Variants in DNAAF1 observed in about 807,000 individuals in gnomAD.
The protein encoded by DNAAF1 is dynein assembly factor 1, axonemal.
In DNAAF1, 65 loss-of-function variants were observed where a neutral mutation model predicts 71.1. The ratio of observed to expected loss-of-function variants is 0.91; its 90% CI spans 0.75 to 1.12. The LOEUF (loss-of-function observed/expected upper bound fraction) is 1.12, where lower values mean the gene tolerates loss of function less well. Among genes scored for constraint, DNAAF1 ranks in the 50% most tolerant of loss-of-function variants. The pLI, the probability that DNAAF1 is intolerant of heterozygous loss-of-function variation, is 0.00. For missense variants in DNAAF1, 1,178 were observed against 899.8 expected, an observed-to-expected ratio of 1.31 and a Z score of -3.96; for synonymous variants, 414 against 354.6, an observed-to-expected ratio of 1.17 and a Z score of -1.88.
At chr16:84,174,481 G>T (rs1471189029) in intron 9 of DNAAF1, 188 bp from the exon 10 acceptor site, 1 of 1,473,262 alleles carries the variant, frequency 6.8e-7, no homozygotes, top group Non-Finnish European at 9.0e-7. Context: ...AGACACCTGA[G>T]GTGGCAACGC....
At chr16:84,173,122 T>C in intron 9 of DNAAF1, 1 of 986,072 alleles carries the variant, frequency 1.0e-6, no homozygotes, top group Non-Finnish European at 1.2e-6. Flanking sequence ...TCTTCTAAAC[T>C]GGTGTTTCTA....
chr16:84,168,897 G>T (rs1018209493), intron 7 of DNAAF1, among the ~76,000 whole-genome samples: 1 of 147,438 alleles, frequency 6.8e-6, no homozygotes, highest in Non-Finnish European at 1.5e-5. Context: ...AAAGGCAAAC[G>T]TCACAGCCCT....
In DNAAF1 at chr16:84,172,288, G is replaced by C; in HGVS notation, c.1557G>C (p.Glu519Asp). The change falls in exon 9 of 12, where the codon GAG (glutamate) becomes GAC (aspartate). Residue 519 changes from glutamate to aspartate, a missense_variant. Glu to Asp is a conservative substitution (Grantham distance 45). Coordinates refer to ENST00000378553, the MANE Select transcript of DNAAF1 (RefSeq NM_178452.6). ...EEPTPQAVAT[E>D]GVFVTELDGT... ...CGACTCCCCAGGCTGTGGCCACTGA[G>C]GGTGTATTCGTTACAGAACTTGATG... The C allele has an allele frequency of 6.2e-7, 1 of 1,614,182 alleles. No homozygotes were observed. The highest frequency in any genetic ancestry group is 1.1e-5 in the South Asian group (1 of 91,062).
At chr16:84,157,433 G>C (rs2087492486) in intron 5 of DNAAF1, among the ~76,000 whole-genome samples, 1 of 147,966 alleles carries the variant, frequency 6.8e-6, no homozygotes, top group Non-Finnish European at 1.5e-5. Flanking sequence ...TGAGGCATGA[G>C]AATTGCTTGA....
At chr16:84,167,987 A>G (rs2151259037) in intron 7 of DNAAF1, among the ~76,000 whole-genome samples, 1 of 152,066 alleles carries the variant, frequency 6.6e-6, no homozygotes, top group South Asian at 2.1e-4. Flanking sequence ...ATCGCACTCC[A>G]GCCTGGGCGA....
chr16:84,161,335 C>G (rs2087707527), intron 6 of DNAAF1, among the ~76,000 whole-genome samples: 1 of 152,166 alleles, frequency 6.6e-6, no homozygotes, highest in Admixed American at 6.5e-5. Flanking sequence ...ATAGGAGCCA[C>G]CGCCCTTTAG....
chr16:84,165,746 C>A (rs754244456), intron 6 of DNAAF1, 37 bp from the exon 7 acceptor site: 1 of 1,591,340 alleles, frequency 6.3e-7, no homozygotes, highest in Non-Finnish European at 8.6e-7. Flanking sequence ...GTTTGGAGTT[C>A]ACCTCCCCTA....
At chr16:84,150,678 C>T (rs1220797969) in intron 3 of DNAAF1, among the ~76,000 whole-genome samples, 1 of 142,522 alleles carries the variant, frequency 7.0e-6, no homozygotes, top group South Asian at 2.2e-4. Context: ...TGCAGTGGTG[C>T]AATCTCTGCT....
rs1250560394 is a variant in DNAAF1, at chr16:84,155,685, A to T, written c.677A>T (p.Asp226Val). ...GAGTGTTTGAGGCTTTGTGTCCTTGACCTTTCGCACAACAAGCTGAGTGAC... is the reference window on the plus strand; with the variant it reads ...GAGTGTTTGAGGCTTTGTGTCCTTGTCCTTTCGCACAACAAGCTGAGTGAC... ...LQECLRLCVLDLSHNKLSDPE... is the reference protein window; with the variant it reads ...LQECLRLCVLVLSHNKLSDPE... The change falls in exon 5 of 12, where the codon GAC (aspartate) becomes GTC (valine). Residue 226 changes from aspartate (D) to valine (V), a missense_variant. Asp to Val is a radical substitution (Grantham distance 152). Coordinates refer to ENST00000378553, the MANE Select transcript of DNAAF1 (RefSeq NM_178452.6). The T allele has an allele frequency of 1.2e-6, 2 of 1,614,020 alleles. No homozygotes were observed. Among genetic ancestry groups the T allele is most frequent in the Non-Finnish European group, 1.7e-6 (2 of 1,180,046 alleles).
intron 5 of DNAAF1, among the ~76,000 whole-genome samples, chr16:84,157,208 C>CT (rs1197728762): frequency 6.6e-6 from 1 of 152,028 alleles, no homozygotes; most frequent in African/African-American, 2.4e-5. Flanking sequence ...CTCGCTATCA[C>CT]TTTAATTTTT....
intron 5 of DNAAF1, among the ~76,000 whole-genome samples, chr16:84,157,934 A>C (rs796247613): frequency 4.6e-5 from 7 of 152,266 alleles, no homozygotes; most frequent in African/African-American, 1.7e-4. Flanking sequence ...GTGGCCAGGC[A>C]CAGTGGCTCA....
At chr16:84,153,235 T>G (rs2087264444) in intron 3 of DNAAF1, among the ~76,000 whole-genome samples, 1 of 152,114 alleles carries the variant, frequency 6.6e-6, no homozygotes, top group South Asian at 2.1e-4. Context: ...TAAAAATTTT[T>G]GTGGAGAGGG....
At chr16:84,151,247 C>G (rs2087166514) in intron 3 of DNAAF1, among the ~76,000 whole-genome samples, 1 of 152,138 alleles carries the variant, frequency 6.6e-6, no homozygotes, top group African/African-American at 2.4e-5. Context: ...CTGCTCAGTG[C>G]TGAAAATGCA....
chr16:84,145,541 C>A lies in DNAAF1; in HGVS notation c.101C>A (p.Ala34Glu). 6.4e-7 allele frequency: 1 copy of A among 1,550,938 alleles called. No individual in the cohort carries two copies. Among genetic ancestry groups the A allele is most frequent in the East Asian group, 2.4e-5 (1 of 41,460 alleles). ...VEESAGDHGS[A>E]GRGGCKEEIN... ...GAGTCTGCGGGTGACCACGGGAGCGCAGGCCGAGGGGGCTGCAAGGAAGGT... is the reference window on the plus strand; with the variant it reads ...GAGTCTGCGGGTGACCACGGGAGCGAAGGCCGAGGGGGCTGCAAGGAAGGT... Residue 34 changes from alanine (A) to glutamate (E), a missense_variant, in exon 1 of 12, where the codon GCA (alanine) becomes GAA (glutamate). Transcript: ENST00000378553.
chr16:84,155,508 G>C, intron 4 of DNAAF1, 75 bp from the exon 5 acceptor site: 2 of 1,520,660 alleles, frequency 1.3e-6, no homozygotes, highest in Non-Finnish European at 1.8e-6. Flanking sequence ...GGGATTACAG[G>C]TATGAACCAC....
intron 6 of DNAAF1, chr16:84,162,257 A>G (rs2151242295): frequency 6.6e-6 from 1 of 152,284 alleles, no homozygotes; most frequent in Non-Finnish European, 1.5e-5. Flanking sequence ...TGTTTTTCAA[A>G]TAACAACTTT....
chr16:84,171,060 G>A (rs2088311252), intron 8 of DNAAF1, among the ~76,000 whole-genome samples: 1 of 152,098 alleles, frequency 6.6e-6, no homozygotes, highest in Non-Finnish European at 1.5e-5. Context: ...GTGAAAGGTA[G>A]GCCATTCATC....
At position 84,147,991 on chromosome 16, in the gene DNAAF1, C is replaced by G. The variant is rs193298301; in HGVS notation, c.125-1016C>G. On this transcript the variant is annotated intron_variant, in intron 1 of 11. Coordinates refer to ENST00000378553, the MANE Select transcript of DNAAF1 (RefSeq NM_178452.6). The stretch of plus-strand genomic sequence containing the variant: ...GCTGAGGCATGAGAATCGCTTGAAC[C>G]CGGGAGGCGGAGGTTGCAGTGAGCT... 4.6e-3 allele frequency among the ~76,000 whole-genome samples: 695 copies of G among 152,108 alleles called. 7 individuals are homozygous for G. The highest frequency in any genetic ancestry group is 0.016 in the African/African-American group (668 of 41,498).
chr16:84,155,702 C>G lies in DNAAF1; in HGVS notation c.694C>G (p.Leu232Val), dbSNP rs761851970. The G allele has an allele frequency of 4.3e-6, 7 of 1,614,164 alleles. No homozygotes were observed. Among genetic ancestry groups the G allele is most frequent in the Non-Finnish European group, 5.1e-6 (6 of 1,180,036 alleles). Residue 232 changes from leucine (L) to valine (V), a missense_variant, in exon 5 of 12, where the codon CTG becomes GTG. Physicochemically the swap from Leu to Val is conservative, Grantham distance 32. Coordinates refer to ENST00000378553, the MANE Select transcript of DNAAF1 (RefSeq NM_178452.6). ...LCVLDLSHNK[L>V]SDPEILSILE... ...TGTCCTTGACCTTTCGCACAACAAG[C>G]TGAGTGACCCGGAGATCCTGAGCAT...
Sources: allele counts gnomAD v4.1 joint callset (sites outside exome capture counted in the v4.1 genomes callset), GRCh38; gene constraint gnomAD v4.1.1; transcripts MANE v1.5; gene names NCBI Gene and HGNC (gene_info 2026-07-23, HGNC 2026-07-21).